MUC5B: variants seen among roughly 807,000 people sequenced by gnomAD.
The protein encoded by MUC5B is mucin 5B, oligomeric mucus/gel-forming, also known as mucin-5B.
Under a neutral mutation model 376.9 loss-of-function variants are expected in MUC5B, and 116 were observed. The ratio of observed to expected loss-of-function variants is 0.31; its 90% CI spans 0.26 to 0.36. MUC5B has a LOEUF of 0.36. Ranked by LOEUF, MUC5B falls within the 10% of genes least tolerant of loss-of-function variation. MUC5B has a pLI of 1.00. For missense variants in MUC5B, 7,165 were observed against 7,769.9 expected, an observed-to-expected ratio of 0.92 and a Z score of 2.93; for synonymous variants, 3,517 against 3,390.9, an observed-to-expected ratio of 1.04 and a Z score of -1.29.
chr11:1,236,575 C>G lies in MUC5B; in HGVS notation c.3057+13C>G. On this transcript the variant is annotated intron_variant, in intron 24 of 48. Transcript: ENST00000529681. ...CCAGGACTACAAGGTGAGCTCGGGC[C>G]GTGCACTCCTAGGCCCTGCAGGACC... 1 of 1,611,146 alleles carries G rather than the reference C, an allele frequency of 6.2e-7. No homozygotes were observed. The highest frequency in any genetic ancestry group is 8.5e-7 in the Non-Finnish European group (1 of 1,179,056).
In MUC5B at chr11:1,226,952, G is replaced by C; in HGVS notation, c.461+76G>C. Reference sequence around the variant, plus strand: ...CTCCCCACACGGCCATGTCTGACCTGGGCCAGGGCTGGGGGGGGGTTGGGT... The same window carrying C: ...CTCCCCACACGGCCATGTCTGACCTCGGCCAGGGCTGGGGGGGGGTTGGGT... On this transcript the variant is annotated intron_variant, in intron 4 of 48. Transcript: ENST00000529681. The C allele has an allele frequency of 1.9e-6, 3 of 1,578,894 alleles. No homozygotes were observed. The South Asian group carries it at 3.4e-5, about 18-fold the overall frequency.
rs374496819 is a variant in MUC5B at position 1,251,990 on chromosome 11, G to A, written c.14863+247G>A. On this transcript the variant is annotated intron_variant, in intron 31 of 48. Transcript: ENST00000529681. ...ACTTGGTCCCCACTGGCCACAATGCGTCCCCCTTGGCCACATTCGGTCTCC... is the reference window on the plus strand; with the variant it reads ...ACTTGGTCCCCACTGGCCACAATGCATCCCCCTTGGCCACATTCGGTCTCC... Among the ~76,000 whole-genome samples the A allele has an allele frequency of 6.3e-4, 90 of 142,366 alleles. 1 individual carries two copies. The highest frequency in any genetic ancestry group is 5.2e-4 in the Non-Finnish European group (34 of 65,424). 93.4% of individuals were successfully genotyped at this position (142,366 alleles called of 152,430 possible). A position where few individuals can be genotyped will look rare whatever the true frequency, so the allele number is the denominator to read the frequency against.
chr11:1,257,190 C>G lies in MUC5B; in HGVS notation c.16238-50C>G, dbSNP rs375261803. 5.1e-6 allele frequency: 4 copies of G among 779,330 alleles called. No homozygotes were observed. In the African/African-American group the frequency reaches 6.8e-5, roughly 13 times the overall value. The allele number at this position is 779,330 out of a possible 1,614,324, so 48.3% of individuals were successfully genotyped here. ...GCACCTCCCATGGCCAGAGGCCCCT[C>G]CGCCTGCAAACTCAGCACCCTCCGT... is the stretch of plus-strand genomic sequence containing the variant. On this transcript the variant is annotated intron_variant, in intron 39 of 48. Transcript: ENST00000529681. This position sits in a 1 kb window ranked among gnomAD's most constrained non-coding sequence, Gnocchi z 8.9.
rs566883455 is a variant in MUC5B, at chr11:1,231,298, G to A, written c.1541-125G>A. 1.1e-3 allele frequency: 1,321 copies of A among 1,210,050 alleles called. 3 individuals carry two copies. Among genetic ancestry groups the A allele is most frequent in the Middle Eastern group, 3.8e-3 (19 of 5,062 alleles). The allele number at this position is 1,210,050 out of a possible 1,614,324, so 75.0% of individuals were successfully genotyped here. The stretch of plus-strand genomic sequence containing the variant: ...GGGACAGGGAGCCTGAGGGCTCCTG[G>A]CCACTCCTGGGTCTCACTCCCGGGT... On this transcript the variant is annotated intron_variant, in intron 13 of 48. Transcript: ENST00000529681.
rs924163247 is a variant in MUC5B, at chr11:1,258,669, GGATTCCTGCCTGCCA to G, written c.16594-262_16594-248del. The stretch of plus-strand genomic sequence containing the variant: ...TGCCCGCCCAGATTCCTACCCGCCC[GGATTCCTGCCTGCCA>G]GATTCCTGCCCCCATGGGGTCTCTG... On this transcript the variant is annotated intron_variant, in intron 43 of 48. Transcript: ENST00000529681. This position sits in a 1 kb window ranked among gnomAD's most constrained non-coding sequence, Gnocchi z 5.5. 1.3e-5 allele frequency among the ~76,000 whole-genome samples: 2 copies of G among 152,010 alleles called. No homozygotes were observed. The highest frequency in any genetic ancestry group is 2.9e-5 in the Non-Finnish European group (2 of 67,958).
chr11:1,236,155 C>T (rs779107133), intron 23 of MUC5B, among the ~76,000 whole-genome samples: 33 of 152,180 alleles, frequency 2.2e-4, no homozygotes, highest in Non-Finnish European at 4.1e-4. Context: ...GCCTCTGCTG[C>T]TCCCGTGCAG....
At position 1,231,659 on chromosome 11, in the gene MUC5B, C is replaced by T. The variant is rs1862032176; in HGVS notation, c.1678+99C>T. On this transcript the variant is annotated intron_variant, in intron 14 of 48. Transcript: ENST00000529681. The stretch of plus-strand genomic sequence containing the variant: ...GGGGCAGGCAGAGGCGGGCAGGGGA[C>T]CGGGGAGGGGGCTGCCCCCAGGGCA... The T allele has an allele frequency of 1.8e-5, 25 of 1,397,836 alleles. No individual in the cohort carries two copies. The South Asian group carries it at 3.2e-4, about 18-fold the overall frequency. The allele number at this position is 1,397,836 out of a possible 1,614,324, so 86.6% of individuals were successfully genotyped here.
At position 1,241,510 on chromosome 11, in the gene MUC5B, C is replaced by T; in HGVS notation, c.4630C>T (p.Pro1544Ser). Residue 1544 changes from proline to serine, a missense_variant, in exon 31 of 49, where the codon CCT becomes TCT. Transcript: ENST00000529681. ...RAAGGHLCQQPKDIECQAESF... is the reference protein window; with the variant it reads ...RAAGGHLCQQSKDIECQAESF... ...CGCTGGAGGGCACTTATGCCAGCAG[C>T]CTAAGGACATAGAGTGCCAGGCCGA... The T allele has an allele frequency of 6.2e-7, 1 of 1,613,490 alleles. No individual in the cohort carries two copies.
rs747764104 is a variant in MUC5B at position 1,245,368 on chromosome 11, C to T, written c.8488C>T (p.Pro2830Ser). 1 of 1,573,744 alleles carries T rather than the reference C, an allele frequency of 6.4e-7. No homozygotes were observed. Among genetic ancestry groups the T allele is most frequent in the South Asian group, 1.1e-5 (1 of 88,604 alleles). The change falls in exon 31 of 49, where the codon CCG becomes TCG. Residue 2830 changes from proline (P) to serine (S), a missense_variant. Around this residue, in one of 31 missense-constraint regions of MUC5B, gnomAD observed 50 missense variants for 66.4 expected, o/e 0.75. Coordinates refer to ENST00000529681, the MANE Select transcript of MUC5B (RefSeq NM_002458.3). ...ESPPSPGTTT[P>S]GHTRATSRTT... Reference sequence around the variant, plus strand: ...ACCCCCTTCTCCAGGGACGACCACCCCGGGCCACACCAGGGCCACCTCCAG... The same window carrying T: ...ACCCCCTTCTCCAGGGACGACCACCTCGGGCCACACCAGGGCCACCTCCAG...
At chr11:1,239,359 G>A (rs888691233) in intron 26 of MUC5B, 79 bp from the exon 27 acceptor site, 23 of 1,508,438 alleles carry the variant, frequency 1.5e-5, no homozygotes, top group East Asian at 1.1e-4. Flanking sequence ...CGGCCCCCAC[G>A]CCCGGGGTAG....
At chr11:1,231,628 C>T in intron 14 of MUC5B, 68 bp downstream of exon 14, 1 of 1,485,700 alleles carries the variant, frequency 6.7e-7, no homozygotes, top group Non-Finnish European at 9.0e-7. Context: ...CGCCAGGCTG[C>T]AGGGAGGGGC....
intron 1 of MUC5B, among the ~76,000 whole-genome samples, chr11:1,225,245 C>G (rs1035439378): frequency 6.6e-6 from 1 of 152,278 alleles, no homozygotes; most frequent in African/African-American, 2.4e-5. Context: ...CAAAGCTGGT[C>G]TTTGTCCTTC....
Position 1,243,411 on chromosome 11 carries a change from T to C in MUC5B, c.6531T>C (p.Thr2177=). The change falls in exon 31 of 49, where the codon ACT becomes ACC. Residue 2177 remains threonine (T), a synonymous_variant. Coordinates refer to ENST00000529681, the MANE Select transcript of MUC5B (RefSeq NM_002458.3). ...CTGCAGCCACCAGCAACACAGTGAC[T>C]CCCTCCTCTGCCCTAGGGACCACCC... is the stretch of plus-strand genomic sequence containing the variant. ...TTPAATSNTV[T]PSSALGTTHT... is the part of the protein sequence containing the mutation. 2 of 1,503,636 alleles carry C rather than the reference T, an allele frequency of 1.3e-6. No homozygotes were observed. The highest frequency in any genetic ancestry group is 1.5e-5 in the African/African-American group (1 of 67,732). 93.1% of individuals were successfully genotyped at this position (1,503,636 alleles called of 1,614,324 possible). A position where few individuals can be genotyped will look rare whatever the true frequency, so the allele number is the denominator to read the frequency against.
rs1414706529 is a variant in MUC5B at position 1,250,847 on chromosome 11, C to A, written c.13967C>A (p.Thr4656Asn). ...THTARVLTTT[T>N]TTVATGSMAT... ...ACCGCCAGAGTGCTGACCACCACCA[C>A]CACAACTGTGGCCACTGGTTCTATG... The change falls in exon 31 of 49, where the codon ACC becomes AAC. Residue 4656 changes from threonine (T) to asparagine (N), a missense_variant. This residue lies in a region of MUC5B where 730 missense variants were observed against 592.7 expected (regional missense o/e 1.23). Transcript: ENST00000529681. The A allele has an allele frequency of 3.7e-6, 6 of 1,610,314 alleles. No individual in the cohort carries two copies. The highest frequency in any genetic ancestry group is 5.1e-6 in the Non-Finnish European group (6 of 1,178,318).
In MUC5B at chr11:1,240,238, C is replaced by T. The variant is rs766859573; in HGVS notation, c.3833C>T (p.Thr1278Ile). 1 of 1,613,582 alleles carries T rather than the reference C, an allele frequency of 6.2e-7. No individual in the cohort carries two copies. The highest frequency in any genetic ancestry group is 8.5e-7 in the Non-Finnish European group (1 of 1,179,610). The change falls in exon 30 of 49, where the codon ACC (threonine) becomes ATC (isoleucine). Residue 1278 changes from threonine to isoleucine, a missense_variant. By Grantham distance (89) the Thr-to-Ile change is moderately conservative (BLOSUM62 -1). Around this residue, in one of 31 missense-constraint regions of MUC5B, gnomAD observed 517 missense variants for 545.3 expected, o/e 0.95. Coordinates refer to ENST00000529681, the MANE Select transcript of MUC5B (RefSeq NM_002458.3). The part of the protein sequence containing the change: ...YSYQDVIYNT[T>I]DGLGACLIAI... ...TACCAGGACGTCATCTACAACACCA[C>T]CGATGGGCTTGGCGCCTGCTTGATC... is the stretch of plus-strand genomic sequence containing the variant.
intron 23 of MUC5B, among the ~76,000 whole-genome samples, chr11:1,235,893 T>G (rs1862146141): frequency 6.6e-6 from 1 of 151,898 alleles, no homozygotes; most frequent in Non-Finnish European, 1.5e-5. Context: ...GGGCCCGGGC[T>G]GAGGTTCTGG....
In MUC5B at chr11:1,240,261, A is replaced by T. The variant is rs777712825; in HGVS notation, c.3856A>T (p.Ile1286Phe). The change falls in exon 30 of 49, where the codon ATC becomes TTC. Residue 1286 changes from isoleucine to phenylalanine, a missense_variant. By Grantham distance (21) the Ile-to-Phe change is conservative. This residue lies in a region of MUC5B where 517 missense variants were observed against 545.3 expected (regional missense o/e 0.95). Coordinates refer to ENST00000529681, the MANE Select transcript of MUC5B (RefSeq NM_002458.3). ...NTTDGLGACL[I>F]AICGSNGTII... ...CACCGATGGGCTTGGCGCCTGCTTG[A>T]TCGCCATCTGCGGAAGCAACGGCAC... 6.8e-6 allele frequency: 11 copies of T among 1,613,564 alleles called. No homozygotes were observed. The highest frequency in any genetic ancestry group is 9.3e-6 in the Non-Finnish European group (11 of 1,179,708).
rs772928798 is a variant in MUC5B, at chr11:1,241,716, G to A, written c.4836G>A (p.Pro1612=). 48 of 1,612,162 alleles carry A rather than the reference G, an allele frequency of 3.0e-5. No homozygotes were observed. Among genetic ancestry groups the A allele is most frequent in the Non-Finnish European group, 3.1e-5 (36 of 1,179,670 alleles). The change falls in exon 31 of 49, where the codon CCG becomes CCA. Residue 1612 remains proline, a synonymous_variant. Transcript: ENST00000529681. ...GGGGACGTGCCACAACCCCGCCACC[G>A]ACCACAGAGCTGGAGACGGCCACCA... ...HCRGRATTPP[P]TTELETATTT...
rs1165842605 is a variant in MUC5B at position 1,241,887 on chromosome 11, C to T, written c.5007C>T (p.Ala1669=). The T allele has an allele frequency of 6.2e-7, 1 of 1,612,378 alleles. No individual in the cohort carries two copies. Among genetic ancestry groups the T allele is most frequent in the Non-Finnish European group, 8.5e-7 (1 of 1,179,424 alleles). Residue 1669 remains alanine (A), a synonymous_variant, in exon 31 of 49, where the codon GCC becomes GCT. Coordinates refer to ENST00000529681, the MANE Select transcript of MUC5B (RefSeq NM_002458.3). ...GATACACAAGCACCCTTGGTACAGC[C>T]ACCACGGGAGGCCCCACGACGCCTG... The part of the protein sequence containing the change: ...SPRYTSTLGT[A]TTGGPTTPAG...
Sources: allele counts gnomAD v4.1 joint callset (sites outside exome capture counted in the v4.1 genomes callset), GRCh38; gene constraint gnomAD v4.1.1; regional missense constraint gnomAD v4.1.1; non-coding constraint Gnocchi (gnomAD v3.1); transcripts MANE v1.5; gene names NCBI Gene and HGNC (gene_info 2026-07-23, HGNC 2026-07-21).